KCNH8: variants seen among roughly 807,000 people sequenced by gnomAD.
KCNH8 encodes the protein potassium voltage-gated channel subfamily H member 8, also known as voltage-gated delayed rectifier potassium channel KCNH8.
In KCNH8, 70 loss-of-function variants were observed where a neutral mutation model predicts 103.6. The observed-to-expected ratio is 0.68, with a 90% CI of 0.56 to 0.82. The LOEUF (loss-of-function observed/expected upper bound fraction) is 0.82, where lower values mean the gene tolerates loss of function less well. Among genes scored for constraint, KCNH8 ranks in the 40% least tolerant of loss-of-function variants. The probability of loss-of-function intolerance (pLI) is 0.00; values close to 1 mark genes in which losing one functional copy is unlikely to be tolerated. For missense variants in KCNH8, 1,217 were observed against 1,329.9 expected, an observed-to-expected ratio of 0.92 and a Z score of 1.32; for synonymous variants, 498 against 489.4, an observed-to-expected ratio of 1.02 and a Z score of -0.23.
chr3:19,188,727 G>A (rs1455202345), intron 1 of KCNH8, among the ~76,000 whole-genome samples: 2 of 151,896 alleles, frequency 1.3e-5, no homozygotes, highest in African/African-American at 4.8e-5. Context: ...TAAAGAACTA[G>A]GTTTTTAAAG....
chr3:19,393,648 A>G (rs2066471335), intron 6 of KCNH8, among the ~76,000 whole-genome samples: 1 of 152,074 alleles, frequency 6.6e-6, no homozygotes, highest in Non-Finnish European at 1.5e-5. Flanking sequence ...AGAGATTACA[A>G]ATCTTGGCAT....
At chr3:19,449,455 G>A (rs1290538617) in intron 8 of KCNH8, among the ~76,000 whole-genome samples, 1 of 151,794 alleles carries the variant, frequency 6.6e-6, no homozygotes, top group Non-Finnish European at 1.5e-5. Context: ...CAGAGCTGGG[G>A]TTGGGCTGGG....
At chr3:19,500,597 C>G (rs1575146990) in intron 11 of KCNH8, among the ~76,000 whole-genome samples, 1 of 152,178 alleles carries the variant, frequency 6.6e-6, no homozygotes, top group African/African-American at 2.4e-5. Context: ...GACCATAGTG[C>G]AATCAAACTA....
chr3:19,209,721 A>G (rs1182722858), intron 1 of KCNH8, among the ~76,000 whole-genome samples: 2 of 151,342 alleles, frequency 1.3e-5, no homozygotes, highest in Non-Finnish European at 2.9e-5. Context: ...AGGTGTATGT[A>G]TTGTCAATGG....
intron 7 of KCNH8, among the ~76,000 whole-genome samples, chr3:19,397,510 C>CAT (rs1399163685): frequency 1.8e-4 from 27 of 150,046 alleles, no homozygotes; most frequent in African/African-American, 5.4e-4. Context: ...TACACACACA[C>CAT]ATATATATAC....
intron 11 of KCNH8, among the ~76,000 whole-genome samples, chr3:19,462,893 C>T (rs921794100): frequency 1.3e-3 from 199 of 152,168 alleles, no homozygotes; most frequent in Non-Finnish European, 1.9e-4. Context: ...AATAGGGAAT[C>T]CTTTCCCCAT....
chr3:19,473,832 TTTAA>T (rs1457770073), intron 11 of KCNH8, among the ~76,000 whole-genome samples: 1 of 152,206 alleles, frequency 6.6e-6, no homozygotes, highest in Admixed American at 6.5e-5. Context: ...AAGCAATGTC[TTTAA>T]TTTAGATTTT....
intron 5 of KCNH8, among the ~76,000 whole-genome samples, chr3:19,376,453 C>A (rs974118402): frequency 6.6e-6 from 1 of 152,156 alleles, no homozygotes; most frequent in African/African-American, 2.4e-5. Context: ...CTCCCTGCTT[C>A]GGCTCATGCA....
intron 7 of KCNH8, among the ~76,000 whole-genome samples, chr3:19,419,326 A>G (rs1277524341): frequency 6.7e-6 from 1 of 150,008 alleles, no homozygotes; most frequent in African/African-American, 2.5e-5. Flanking sequence ...CAGCCTCCCG[A>G]GTAGCTGGGA....
intron 15 of KCNH8, among the ~76,000 whole-genome samples, chr3:19,530,864 G>A (rs1020252565): frequency 1.3e-5 from 2 of 152,176 alleles, no homozygotes; most frequent in Middle Eastern, 3.2e-3. Context: ...TGTCATTCAT[G>A]AAATAAGTGA....
intron 12 of KCNH8, among the ~76,000 whole-genome samples, chr3:19,510,946 C>T (rs2068773145): frequency 6.6e-6 from 1 of 152,126 alleles, no homozygotes; most frequent in Admixed American, 6.6e-5. Context: ...ATTATGAAGA[C>T]ATTAAGAATT....
chr3:19,400,231 C>CAAAAAAAAAAAA (rs11422314), intron 7 of KCNH8, among the ~76,000 whole-genome samples: 1 of 53,118 alleles, frequency 1.9e-5, no homozygotes, highest in Non-Finnish European at 3.3e-5. Context: ...TGTTAGCCAG[C>CAAAAAAAAAAAA]AAAAAAAAAA....
At chr3:19,516,969 TA>T (rs755617241) in intron 14 of KCNH8, among the ~76,000 whole-genome samples, 3 of 151,936 alleles carry the variant, frequency 2.0e-5, no homozygotes, top group Non-Finnish European at 4.4e-5. Flanking sequence ...ATAATTACTT[TA>T]TATAAGTTAT....
chr3:19,348,159 T>C (rs568790408), intron 5 of KCNH8, among the ~76,000 whole-genome samples, 194 bp downstream of exon 5: 1 of 152,112 alleles, frequency 6.6e-6, no homozygotes, highest in South Asian at 2.1e-4. Flanking sequence ...TGTCCCTTTA[T>C]TCAAACAGAT....
chr3:19,363,941 ATAAAGT>A (rs982561830), intron 5 of KCNH8, among the ~76,000 whole-genome samples: 1 of 152,182 alleles, frequency 6.6e-6, no homozygotes, highest in Non-Finnish European at 1.5e-5. Flanking sequence ...CTAATAATAA[ATAAAGT>A]TGAAGTTTTA....
chr3:19,275,738 A>C (rs1347910908), intron 2 of KCNH8, among the ~76,000 whole-genome samples: 1 of 152,080 alleles, frequency 6.6e-6, no homozygotes, highest in African/African-American at 2.4e-5. Context: ...CCTCCTTTTT[A>C]ACATGACACC....
intron 1 of KCNH8, among the ~76,000 whole-genome samples, chr3:19,155,519 G>C (rs1559400185): frequency 1.3e-5 from 2 of 152,188 alleles, no homozygotes; most frequent in Middle Eastern, 3.4e-3. Flanking sequence ...CTCCTGCTTA[G>C]AGCCATCCGT....
intron 15 of KCNH8, among the ~76,000 whole-genome samples, chr3:19,520,965 G>T (rs932235938): frequency 4.6e-5 from 7 of 152,024 alleles, no homozygotes; most frequent in Non-Finnish European, 8.8e-5. Flanking sequence ...GAATAGTTAG[G>T]AGAGTTTAAA....
intron 2 of KCNH8, among the ~76,000 whole-genome samples, chr3:19,257,472 G>GCTTTAATATCAA: frequency 6.6e-6 from 1 of 151,882 alleles, no homozygotes; most frequent in Admixed American, 6.6e-5. Context: ...TAGCTTGTTG[G>GCTTTAATATCAA]CTTTAATATC....
Sources: allele counts gnomAD v4.1 joint callset (sites outside exome capture counted in the v4.1 genomes callset), GRCh38; gene constraint gnomAD v4.1.1; transcripts MANE v1.5; gene names NCBI Gene and HGNC (gene_info 2026-07-23, HGNC 2026-07-21).